TEX36: variants seen among roughly 807,000 people sequenced by gnomAD.
TEX36 encodes the protein testis expressed 36.
TEX36 carries 12 observed loss-of-function variants against 13.6 expected under a neutral mutation model. That is an observed-to-expected ratio of 0.88 (90% CI 0.56 to 1.43). TEX36 has a LOEUF of 1.43. TEX36 is among the 40% of genes most tolerant of loss of function. TEX36 has a pLI of 0.00. For synonymous variants in TEX36, 93 were observed against 83.0 expected, an observed-to-expected ratio of 1.12 and a Z score of -0.65; for missense variants, 224 against 228.3, an observed-to-expected ratio of 0.98 and a Z score of 0.12.
chr10:125,586,098 G>A (rs1197951090), intron 3 of TEX36, among the ~76,000 whole-genome samples: 1 of 152,208 alleles, frequency 6.6e-6, no homozygotes. Context: ...GTGAGACAGA[G>A]GCCGTCTGGG....
downstream of TEX36, among the ~76,000 whole-genome samples, chr10:125,619,889 A>G (rs187028921): frequency 1.5e-4 from 22 of 151,642 alleles, 1 homozygote; most frequent in South Asian, 1.0e-3. Context: ...ATATATATAT[A>G]TGTGTGCATA....
At chr10:125,669,156 T>C (rs577800135) in intron 1 of TEX36, among the ~76,000 whole-genome samples, 123 of 152,262 alleles carry the variant, frequency 8.1e-4, no homozygotes, top group Middle Eastern at 6.8e-3. Context: ...CTGGGTGTGA[T>C]GGTGTGCACC....
In TEX36 at chr10:125,607,186, A is replaced by C. The variant is rs181567356; in HGVS notation, c.265-30312T>G. On this transcript the variant is annotated intron_variant, in intron 3 of 3. Coordinates refer to the TEX36 transcript ENST00000532135. ...TAAAATTACTTTAGGAGCTTACCAA[A>C]AAGTTCCATAATGGGAAATATTTAT... 5.3e-5 allele frequency among the ~76,000 whole-genome samples: 8 copies of C among 152,362 alleles called. No homozygotes were observed. The East Asian group carries it at 1.5e-3, about 29-fold the overall frequency.
chr10:125,590,667 C>T (rs1054278971), intron 3 of TEX36, among the ~76,000 whole-genome samples: 14 of 151,984 alleles, frequency 9.2e-5, no homozygotes, highest in Admixed American at 8.5e-4. Context: ...CTGCTCAGTG[C>T]TCAGATAAGA....
intron 3 of TEX36, among the ~76,000 whole-genome samples, chr10:125,579,732 T>C (rs1845863274): frequency 6.6e-6 from 1 of 152,066 alleles, no homozygotes; most frequent in Non-Finnish European, 1.5e-5. Flanking sequence ...TGTTTAAAAG[T>C]GTGTGGCGCC....
At chr10:125,610,549 C>T (rs1380664694) in intron 3 of TEX36, among the ~76,000 whole-genome samples, 4 of 152,020 alleles carry the variant, frequency 2.6e-5, no homozygotes, top group Non-Finnish European at 5.9e-5. Context: ...TGAAGAAGCT[C>T]GGTTTCAAAT....
At chr10:125,668,272 G>A (rs74978961) in intron 1 of TEX36, among the ~76,000 whole-genome samples, 3 of 151,648 alleles carry the variant, frequency 2.0e-5, no homozygotes, top group Non-Finnish European at 2.9e-5. Flanking sequence ...AAATTCAGCT[G>A]TGAATCCAAC....
chr10:125,630,647 C>T (rs1397659806), intron 3 of TEX36, among the ~76,000 whole-genome samples: 4 of 152,088 alleles, frequency 2.6e-5, no homozygotes, highest in African/African-American at 4.8e-5. Flanking sequence ...GCGAGTTATT[C>T]GGGCATCTGG....
chr10:125,680,295 C>G lies in TEX36; in HGVS notation c.51+2644G>C, dbSNP rs533393336. On this transcript the variant is annotated intron_variant, in intron 1 of 3. Transcript: ENST00000368821. ...TAACATCAAGAATGATGTCTCTCAC[C>G]AGTTAAATGACAACTGAGTTGGGTT... Among the ~76,000 whole-genome samples the G allele has an allele frequency of 7.2e-5, 11 of 152,224 alleles. 1 individual carries two copies. The South Asian group carries it at 2.3e-3, about 32-fold the overall frequency.
chr10:125,608,227 T>C (rs2133548858), intron 3 of TEX36, among the ~76,000 whole-genome samples: 1 of 152,096 alleles, frequency 6.6e-6, no homozygotes, highest in East Asian at 1.9e-4. Context: ...ACCCCAAAGC[T>C]TGGGTCTTAG....
chr10:125,627,431 A>T (rs1324569937), intron 3 of TEX36, among the ~76,000 whole-genome samples: 1 of 152,230 alleles, frequency 6.6e-6, no homozygotes, highest in African/African-American at 2.4e-5. Context: ...TCAATAAACC[A>T]TTGGCCTGTT....
At chr10:125,617,847 G>T (rs531730616), downstream of TEX36, among the ~76,000 whole-genome samples, 11 of 152,232 alleles carry the variant, frequency 7.2e-5, no homozygotes, top group South Asian at 2.1e-3. Context: ...TTGCTAGATT[G>T]GGGAAGTTCT....
intron 3 of TEX36, among the ~76,000 whole-genome samples, chr10:125,633,250 G>A (rs1251048104): frequency 1.3e-5 from 2 of 152,190 alleles, no homozygotes; most frequent in Non-Finnish European, 2.9e-5. Flanking sequence ...AAGACCTGAT[G>A]AGAGATGATT....
At chr10:125,587,376 G>A (rs1845967055) in intron 3 of TEX36, among the ~76,000 whole-genome samples, 2 of 152,096 alleles carry the variant, frequency 1.3e-5, no homozygotes, top group African/African-American at 4.8e-5. Context: ...AATTTTTAAA[G>A]GTTATTAAAC....
downstream of TEX36, among the ~76,000 whole-genome samples, chr10:125,655,003 A>G (rs996882529): frequency 6.6e-6 from 1 of 152,220 alleles, no homozygotes; most frequent in Non-Finnish European, 1.5e-5. Flanking sequence ...AACAGCAAAA[A>G]CGCTAGAAAT....
At chr10:125,620,574 G>A (rs974098486), downstream of TEX36, among the ~76,000 whole-genome samples, 1 of 152,224 alleles carries the variant, frequency 6.6e-6, no homozygotes. Flanking sequence ...ACTAGCTGGA[G>A]CCAGTGACAG....
At chr10:125,657,034 C>A (rs1046677180) in intron 3 of TEX36, among the ~76,000 whole-genome samples, 1 of 151,870 alleles carries the variant, frequency 6.6e-6, no homozygotes, top group Non-Finnish European at 1.5e-5. Context: ...CAGCACCTTA[C>A]GTGCGAACCT....
At chr10:125,663,605 A>C (rs1409197563) in intron 1 of TEX36, among the ~76,000 whole-genome samples, 1 of 152,188 alleles carries the variant, frequency 6.6e-6, no homozygotes, top group Non-Finnish European at 1.5e-5. Context: ...CTGGGATAAG[A>C]TGATATCTCA....
intron 3 of TEX36, among the ~76,000 whole-genome samples, chr10:125,638,649 A>G (rs1846647788): frequency 6.6e-6 from 1 of 152,218 alleles, no homozygotes; most frequent in Admixed American, 6.5e-5. Context: ...TCTTCTCCCT[A>G]CGTGTCTAGT....
Sources: allele counts gnomAD v4.1 joint callset (sites outside exome capture counted in the v4.1 genomes callset), GRCh38; gene constraint gnomAD v4.1.1; transcripts MANE v1.5; gene names NCBI Gene and HGNC (gene_info 2026-07-23, HGNC 2026-07-21).